RAPGEF6: variants seen among roughly 807,000 people sequenced by gnomAD.
The protein encoded by RAPGEF6 is PDZ domain containing guanine nucleotide exchange factor (GEF) 2.
RAPGEF6 carries 56 observed loss-of-function variants against 171.4 expected under a neutral mutation model. That is an observed-to-expected ratio of 0.33 (90% CI 0.26 to 0.41). The LOEUF is 0.41. Among genes scored for constraint, RAPGEF6 ranks in the 10% least tolerant of loss-of-function variants. RAPGEF6 has a pLI of 1.00. For synonymous variants in RAPGEF6, 692 were observed against 650.1 expected, an observed-to-expected ratio of 1.06 and a Z score of -0.98; for missense variants, 1,674 against 1,921.4, an observed-to-expected ratio of 0.87 and a Z score of 2.41.
At position 131,442,548 on chromosome 5, in the gene RAPGEF6, A is replaced by C. The variant is rs748509758; in HGVS notation, c.3422-11T>G. The C allele has an allele frequency of 8.1e-6, 13 of 1,612,688 alleles. No homozygotes were observed. The South Asian group carries it at 1.3e-4, about 16-fold the overall frequency. ...TTAAATTCTTGGTCACTAACAGGAGAGAGTAAGAAATAAGTAACTGCACGT... is the reference window on the plus strand; with the variant it reads ...TTAAATTCTTGGTCACTAACAGGAGCGAGTAAGAAATAAGTAACTGCACGT... On this transcript the variant is annotated splice_polypyrimidine_tract_variant and intron_variant, in intron 22 of 27. Transcript: ENST00000509018.
At chr5:131,440,304 C>T in intron 23 of RAPGEF6, 2 of 451,100 alleles carry the variant, frequency 4.4e-6, no homozygotes, top group South Asian at 3.1e-5. Context: ...GGAACGATTC[C>T]TTACAGTCCT....
In RAPGEF6 at chr5:131,635,207, C is replaced by T; in HGVS notation, c.-177G>A. The T allele has an allele frequency of 1.6e-6, 1 of 608,828 alleles. No homozygotes were observed. The highest frequency in any genetic ancestry group is 2.8e-6 in the Non-Finnish European group (1 of 363,516). 37.7% of individuals were successfully genotyped at this position (608,828 alleles called of 1,614,324 possible). ...CGCCCGCCTAAGGCCTCTACCCACGCGCGACTGGCCGGAGACAAGTCTGCG... is the reference window on the plus strand; with the variant it reads ...CGCCCGCCTAAGGCCTCTACCCACGTGCGACTGGCCGGAGACAAGTCTGCG... On this transcript the variant is annotated 5_prime_UTR_variant, in exon 1 of 28. Coordinates refer to ENST00000509018, the MANE Select transcript of RAPGEF6 (RefSeq NM_016340.6).
At position 131,547,195 on chromosome 5, in the gene RAPGEF6, C is replaced by T. The variant is rs140494703; in HGVS notation, c.495+852G>A. On this transcript the variant is annotated intron_variant, in intron 6 of 27. Coordinates refer to ENST00000509018, the MANE Select transcript of RAPGEF6 (RefSeq NM_016340.6). ...AACTCTCGAAATAATCTTTCTTACT[C>T]CTAACACCTAACATGGAATGAATAA... Among the ~76,000 whole-genome samples the T allele has an allele frequency of 4.6e-3, 707 of 152,278 alleles. 12 individuals are homozygous for T. The highest frequency in any genetic ancestry group is 3.5e-3 in the Non-Finnish European group (239 of 68,012).
At chr5:131,585,188 G>A (rs191232444) in intron 4 of RAPGEF6, among the ~76,000 whole-genome samples, 41 of 151,524 alleles carry the variant, frequency 2.7e-4, no homozygotes, top group Non-Finnish European at 5.2e-4. Flanking sequence ...GGAAAACGAC[G>A]CAACATTATA....
At chr5:131,566,363 T>C (rs1761936046) in intron 4 of RAPGEF6, among the ~76,000 whole-genome samples, 1 of 152,182 alleles carries the variant, frequency 6.6e-6, no homozygotes, top group Non-Finnish European at 1.5e-5. Context: ...TATTATTTTA[T>C]TAATAAAGTA....
At chr5:131,468,537 G>A (rs1372389108) in intron 17 of RAPGEF6, among the ~76,000 whole-genome samples, 1 of 97,042 alleles carries the variant, frequency 1.0e-5, no homozygotes, top group Non-Finnish European at 2.2e-5. Flanking sequence ...CTGACCCTGA[G>A]ATTACACTAA....
rs186872360 is a variant in RAPGEF6 at position 131,440,099 on chromosome 5, C to T, written c.3611-384G>A. The T allele has an allele frequency of 4.0e-3, 1,575 of 397,306 alleles. 16 individuals are homozygous for T. The highest frequency in any genetic ancestry group is 3.8e-3 in the Non-Finnish European group (755 of 201,144). The allele number at this position is 397,306 out of a possible 1,614,324, so 24.6% of individuals were successfully genotyped here. ...TAGAGGTGGCCTCTCCAAGTCGGGG[C>T]GACGCATGTGGCAGGGGCAGTGTGG... On this transcript the variant is annotated intron_variant, in intron 23 of 27. Transcript: ENST00000509018.
At chr5:131,567,617 C>T (rs1762032844) in intron 4 of RAPGEF6, among the ~76,000 whole-genome samples, 1 of 152,066 alleles carries the variant, frequency 6.6e-6, no homozygotes, top group Non-Finnish European at 1.5e-5. Flanking sequence ...CAAATGATTT[C>T]ATTCCTTTCA....
intron 5 of RAPGEF6, among the ~76,000 whole-genome samples, chr5:131,558,194 T>C (rs1761358327): frequency 6.6e-6 from 1 of 151,790 alleles, no homozygotes; most frequent in Admixed American, 6.6e-5. Context: ...AGATCTTCTG[T>C]TTGTGTGTGT....
intron 6 of RAPGEF6, among the ~76,000 whole-genome samples, chr5:131,535,634 T>C (rs79400095): frequency 2.6e-5 from 4 of 152,146 alleles, no homozygotes; most frequent in Admixed American, 6.6e-5. Context: ...TACTATAAAA[T>C]AGAGCAATGT....
chr5:131,428,078 G>C (rs962861431), intron 27 of RAPGEF6, among the ~76,000 whole-genome samples: 9 of 151,784 alleles, frequency 5.9e-5, no homozygotes, highest in African/African-American at 2.4e-5. Flanking sequence ...ACTCCAGCCT[G>C]AGTGACACAG....
At chr5:131,451,562 C>T (rs1383673097) in intron 21 of RAPGEF6, among the ~76,000 whole-genome samples, 1 of 152,076 alleles carries the variant, frequency 6.6e-6, no homozygotes, top group Admixed American at 6.5e-5. Flanking sequence ...GCACTTCGGC[C>T]TGGGCAACCA....
At chr5:131,434,076 G>T (rs1751876430) in intron 24 of RAPGEF6, among the ~76,000 whole-genome samples, 1 of 152,064 alleles carries the variant, frequency 6.6e-6, no homozygotes, top group Admixed American at 6.6e-5. Context: ...AATATTTCTT[G>T]ACCTGATCTG....
At chr5:131,625,952 T>C (rs1233931454) in intron 1 of RAPGEF6, among the ~76,000 whole-genome samples, 1 of 152,208 alleles carries the variant, frequency 6.6e-6, no homozygotes, top group African/African-American at 2.4e-5. Context: ...AGCCTCCCTG[T>C]CTCTAGTCTG....
intron 6 of RAPGEF6, among the ~76,000 whole-genome samples, chr5:131,522,636 A>C (rs1448017343): frequency 2.0e-5 from 3 of 152,190 alleles, no homozygotes; most frequent in African/African-American, 7.2e-5. Flanking sequence ...GTACTAAGAC[A>C]AACAGAAAAC....
chr5:131,431,414 GTTA>G (rs1373692747), intron 25 of RAPGEF6, 65 bp from the exon 26 acceptor site: 11 of 1,509,032 alleles, frequency 7.3e-6, no homozygotes, highest in Non-Finnish European at 9.7e-6. Flanking sequence ...TCTGTTTCAA[GTTA>G]TTATTGCCTG....
At chr5:131,607,089 T>C (rs1262861149) in intron 1 of RAPGEF6, among the ~76,000 whole-genome samples, 1 of 152,182 alleles carries the variant, frequency 6.6e-6, no homozygotes, top group Admixed American at 6.5e-5. Flanking sequence ...ATTTATATAC[T>C]TGGCAGTTAG....
At chr5:131,459,366 T>C (rs898558702) in intron 19 of RAPGEF6, among the ~76,000 whole-genome samples, 4 of 152,192 alleles carry the variant, frequency 2.6e-5, no homozygotes, top group Non-Finnish European at 4.4e-5. Context: ...TATTAGCTCA[T>C]TGAATACTCT....
intron 3 of RAPGEF6, among the ~76,000 whole-genome samples, chr5:131,595,811 T>C (rs556923664): frequency 6.6e-6 from 1 of 150,386 alleles, no homozygotes; most frequent in Non-Finnish European, 1.5e-5. Context: ...CCCAAATGTA[T>C]GCTGCGTATA....
Sources: allele counts gnomAD v4.1 joint callset (sites outside exome capture counted in the v4.1 genomes callset), GRCh38; gene constraint gnomAD v4.1.1; transcripts MANE v1.5; gene names NCBI Gene and HGNC (gene_info 2026-07-23, HGNC 2026-07-21).